Variants in HOXA13 observed in about 807,000 individuals in gnomAD.
The protein encoded by HOXA13 is homeobox A13, also known as homeobox protein Hox-A13.
HOXA13 carries 5 observed loss-of-function variants against 25.7 expected under a neutral mutation model. The observed-to-expected ratio is 0.19, with a 90% CI of 0.10 to 0.41. HOXA13 has a LOEUF of 0.41. Ranked by LOEUF, HOXA13 falls within the 10% of genes least tolerant of loss-of-function variation. The probability of loss-of-function intolerance (pLI) is 1.00; values close to 1 mark genes in which losing one functional copy is unlikely to be tolerated. For synonymous variants in HOXA13, 284 were observed against 241.1 expected (o/e 1.18, Z -1.65); for missense variants, 557 against 533.5 (o/e 1.04, Z -0.43).
chr7:27,194,401 G>A lies in HOXA13; in HGVS notation c.*3797C>T, dbSNP rs557394556. On this transcript the variant is annotated 3_prime_UTR_variant, in exon 2 of 2. Coordinates refer to ENST00000649031, the MANE Select transcript of HOXA13 (RefSeq NM_000522.5). ...GTCCCATTTTTATTTTCTTAATTCAGGAAGAGTTTTCTTTTTAGAAAAAAA... is the reference window on the plus strand; with the variant it reads ...GTCCCATTTTTATTTTCTTAATTCAAGAAGAGTTTTCTTTTTAGAAAAAAA... The A allele has an allele frequency of 6.6e-6, 1 of 152,034 alleles. No individual in the cohort carries two copies. Among genetic ancestry groups the A allele is most frequent in the East Asian group, 1.9e-4 (1 of 5,176 alleles). 9.4% of individuals were successfully genotyped at this position (152,034 alleles called of 1,614,324 possible).
chr7:27,195,609 T>C lies in HOXA13; in HGVS notation c.*2589A>G, dbSNP rs1410170590. On this transcript the variant is annotated 3_prime_UTR_variant, in exon 2 of 2. Coordinates refer to ENST00000649031, the MANE Select transcript of HOXA13 (RefSeq NM_000522.5). ...AAGTTGTTAATATTAAACATATTTATTTATCCTACAAATCAAATGGCAGAT... is the reference window on the plus strand; with the variant it reads ...AAGTTGTTAATATTAAACATATTTACTTATCCTACAAATCAAATGGCAGAT... 6.6e-6 allele frequency: 1 copy of C among 152,224 alleles called. No individual in the cohort carries two copies. Among genetic ancestry groups the C allele is most frequent in the African/African-American group, 2.4e-5 (1 of 41,458 alleles). 9.4% of individuals were successfully genotyped at this position (152,224 alleles called of 1,614,324 possible).
rs1029802747 is a variant in HOXA13, at chr7:27,199,653, G to A, written c.425C>T (p.Ala142Val). 1.6e-6 allele frequency: 2 copies of A among 1,270,866 alleles called. No individual in the cohort carries two copies. Among genetic ancestry groups the A allele is most frequent in the Non-Finnish European group, 9.9e-7 (1 of 1,014,562 alleles). The allele number at this position is 1,270,866 out of a possible 1,614,324, so 78.7% of individuals were successfully genotyped here. Residue 142 changes from alanine (A) to valine (V), a missense_variant, in exon 1 of 2, where the codon GCG (alanine) becomes GTG (valine). Transcript: ENST00000649031. Reference protein sequence around the residue: ...AASSSGGPGPAGPAGAEAAKQ... With the variant: ...AASSSGGPGPVGPAGAEAAKQ... ...GGCGGCCTCTGCGCCCGCCGGGCCCGCCGGGCCGGGACCTCCCGAGGACGA... is the reference window on the plus strand; with the variant it reads ...GGCGGCCTCTGCGCCCGCCGGGCCCACCGGGCCGGGACCTCCCGAGGACGA...
rs777307609 is a variant in HOXA13, at chr7:27,197,195, C to G, written c.*1003G>C. On this transcript the variant is annotated 3_prime_UTR_variant, in exon 2 of 2. Transcript: ENST00000649031. Reference sequence around the variant, plus strand: ...TAGATCAAAATATAGAATATAGACACCTAAATATTTCAGGGGAATGAATTT... The same window carrying G: ...TAGATCAAAATATAGAATATAGACAGCTAAATATTTCAGGGGAATGAATTT... 6.8e-5 allele frequency: 14 copies of G among 205,958 alleles called. No individual in the cohort carries two copies. The highest frequency in any genetic ancestry group is 1.2e-4 in the Admixed American group (2 of 16,810). The allele number at this position is 205,958 out of a possible 1,614,324, so 12.8% of individuals were successfully genotyped here.
In HOXA13 at chr7:27,199,841, C is replaced by A. The variant is rs1221831540; in HGVS notation, c.237G>T (p.Ala79=). ...NFSVAAAAAA[A]AAAAANQCRN... The stretch of plus-strand genomic sequence containing the variant: ...GGCACTGGTTGGCCGCGGCCGCCGC[C>A]GCAGCCGCGGCCGCCGCCGCCACCG... The change falls in exon 1 of 2, where the codon GCG becomes GCT. Residue 79 remains alanine, a synonymous_variant. Transcript: ENST00000649031. 1.4e-5 allele frequency: 14 copies of A among 988,546 alleles called. No homozygotes were observed. Among genetic ancestry groups the A allele is most frequent in the African/African-American group, 3.5e-5 (2 of 56,550 alleles). The allele number at this position is 988,546 out of a possible 1,614,324, so 61.2% of individuals were successfully genotyped here.
Position 27,199,549 on chromosome 7 carries a change from C to A in HOXA13, c.529G>T (p.Gly177Cys), listed in dbSNP as rs773571634. Residue 177 changes from glycine (G) to cysteine (C), a missense_variant, in exon 1 of 2, where the codon GGC (glycine) becomes TGC (cysteine). Transcript: ENST00000649031. The part of the protein sequence containing the change: ...AALPYGYFGS[G>C]YYPCARMGPH... ...CCCATGCGGGCGCACGGGTAGTAGC[C>A]GCTGCCGAAGTAGCCATAGGGCAGC... 1 of 1,571,458 alleles carries A rather than the reference C, an allele frequency of 6.4e-7. No homozygotes were observed. Among genetic ancestry groups the A allele is most frequent in the Non-Finnish European group, 8.6e-7 (1 of 1,160,106 alleles).
In HOXA13 at chr7:27,199,925, G is replaced by GGCAGCCGCCGCCGCT; in HGVS notation, c.138_152dup (p.Ala47_Ala51dup). On this transcript the variant is annotated inframe_insertion, in exon 1 of 2. Coordinates refer to ENST00000649031, the MANE Select transcript of HOXA13 (RefSeq NM_000522.5). Reference sequence around the variant, plus strand: ...GGGGGAAGCCCCCGCCCCCGGCCCCGGCAGCCGCCGCCGCTGCAGCCGCTG... The same window carrying GGCAGCCGCCGCCGCT: ...GGGGGAAGCCCCCGCCCCCGGCCCCGGCAGCCGCCGCCGCTGCAGCCGCCGCCGCTGCAGCCGCTG... 1 of 1,223,900 alleles carries GGCAGCCGCCGCCGCT rather than the reference G, an allele frequency of 8.2e-7. No homozygotes were observed. Among genetic ancestry groups the GGCAGCCGCCGCCGCT allele is most frequent in the Non-Finnish European group, 1.0e-6 (1 of 961,312 alleles). 75.8% of individuals were successfully genotyped at this position (1,223,900 alleles called of 1,614,324 possible).
rs780498235 is a variant in HOXA13, at chr7:27,200,049, CG to C, written c.28del (p.Arg10AlafsTer81). 3.4e-6 allele frequency: 5 copies of C among 1,477,966 alleles called. No homozygotes were observed. Among genetic ancestry groups the C allele is most frequent in the Admixed American group, 1.9e-5 (1 of 52,390 alleles). The allele number at this position is 1,477,966 out of a possible 1,614,324, so 91.6% of individuals were successfully genotyped here. ...AAACATGACGGTGGGCTCGATCCAG[CG>C]GGGGTGGAGGAGCACGGAGGCTGTC... Reference protein sequence around the residue: MTASVLLHPRWIEPTVMFLY... With the variant: MTASVLLHPXWIEPTVMFLY... On this transcript the variant is annotated frameshift_variant, in exon 1 of 2. Coordinates refer to ENST00000649031, the MANE Select transcript of HOXA13 (RefSeq NM_000522.5). LOFTEE classifies it high-confidence loss of function.
rs1783988489 is a variant in HOXA13, at chr7:27,195,036, G to A, written c.*3162C>T. 6.6e-6 allele frequency: 1 copy of A among 152,204 alleles called. No individual in the cohort carries two copies. The highest frequency in any genetic ancestry group is 2.4e-5 in the African/African-American group (1 of 41,434). The allele number at this position is 152,204 out of a possible 1,614,324, so 9.4% of individuals were successfully genotyped here. On this transcript the variant is annotated 3_prime_UTR_variant, in exon 2 of 2. Coordinates refer to ENST00000649031, the MANE Select transcript of HOXA13 (RefSeq NM_000522.5). ...ACTTTGGCTTGATGGCAGCTCATTT[G>A]GAAATGGAGTACTGTTTGGAACAAG...
Position 27,195,555 on chromosome 7 carries a change from A to C in HOXA13, c.*2643T>G, listed in dbSNP as rs1268932926. On this transcript the variant is annotated 3_prime_UTR_variant, in exon 2 of 2. Transcript: ENST00000649031. ...GATTGTTGTTAGAGGTCAACAGTAG[A>C]TATAATATTATTATTATAGTTTTGA... 6.6e-6 allele frequency: 1 copy of C among 152,240 alleles called. No homozygotes were observed. The highest frequency in any genetic ancestry group is 1.5e-5 in the Non-Finnish European group (1 of 68,046). The allele number at this position is 152,240 out of a possible 1,614,324, so 9.4% of individuals were successfully genotyped here.
chr7:27,198,466 G>A (rs754059709), intron 1 of HOXA13, 24 bp from the exon 2 acceptor site: 17 of 1,612,492 alleles, frequency 1.1e-5, no homozygotes, highest in Admixed American at 1.7e-5. Context: ...GAGAAGGCAA[G>A]TTACACAGGG....
rs1288109561 is a variant in HOXA13 at position 27,199,961 on chromosome 7, C to T, written c.117G>A (p.Ala39=). ...DELNKNMEGA[A]AAAAAAAAAA... Reference sequence around the variant, plus strand: ...CCGCTGCAGCCGCTGCTGCAGCCGCCGCCGCCCCTTCCATGTTCTTGTTGA... The same window carrying T: ...CCGCTGCAGCCGCTGCTGCAGCCGCTGCCGCCCCTTCCATGTTCTTGTTGA... Residue 39 remains alanine (A), a synonymous_variant, in exon 1 of 2, where the codon GCG becomes GCA. Coordinates refer to ENST00000649031, the MANE Select transcript of HOXA13 (RefSeq NM_000522.5). The T allele has an allele frequency of 7.1e-6, 10 of 1,415,044 alleles. No individual in the cohort carries two copies. Among genetic ancestry groups the T allele is most frequent in the South Asian group, 2.7e-5 (2 of 73,516 alleles). 87.7% of individuals were successfully genotyped at this position (1,415,044 alleles called of 1,614,324 possible).
In HOXA13 at chr7:27,197,879, C is replaced by T; in HGVS notation, c.*319G>A. On this transcript the variant is annotated 3_prime_UTR_variant, in exon 2 of 2. Coordinates refer to ENST00000649031, the MANE Select transcript of HOXA13 (RefSeq NM_000522.5). ...GCAGTGTCCTAAAATGTAACGATCA[C>T]TTAAATACTTACAAGATTTCAGTAA... 1 of 445,130 alleles carries T rather than the reference C, an allele frequency of 2.2e-6. No homozygotes were observed. Among genetic ancestry groups the T allele is most frequent in the East Asian group, 4.0e-5 (1 of 24,900 alleles). 27.6% of individuals were successfully genotyped at this position (445,130 alleles called of 1,614,324 possible).
In HOXA13 at chr7:27,198,423, C is replaced by G. The variant is rs1389917328; in HGVS notation, c.942G>C (p.Ser314=). Residue 314 remains serine (S), a synonymous_variant, in exon 2 of 2, where the codon TCG becomes TCC. Transcript: ENST00000649031. ...TCCCCCTCCTATAGGAGCTGGCATC[C>G]GAGGGATGGGAGACCACGTCTAGAA... The part of the protein sequence containing the change: ...STLPDVVSHP[S]DASSYRRGRK... 6.2e-6 allele frequency: 10 copies of G among 1,613,880 alleles called. No homozygotes were observed. Among genetic ancestry groups the G allele is most frequent in the Non-Finnish European group, 8.5e-6 (10 of 1,180,028 alleles).
In HOXA13 at chr7:27,194,714, C is replaced by T. The variant is rs928699122; in HGVS notation, c.*3484G>A. The T allele has an allele frequency of 2.0e-5, 3 of 152,144 alleles. No homozygotes were observed. Among genetic ancestry groups the T allele is most frequent in the Non-Finnish European group, 4.4e-5 (3 of 68,020 alleles). 9.4% of individuals were successfully genotyped at this position (152,144 alleles called of 1,614,324 possible). A position where few individuals can be genotyped will look rare whatever the true frequency, so the allele number is the denominator to read the frequency against. On this transcript the variant is annotated 3_prime_UTR_variant, in exon 2 of 2. Transcript: ENST00000649031. ...AACTGGGGGGAAAAAATCCCCACAA[C>T]AACCCTGAAATGTCTTCTGTCATTA...
At chr7:27,198,830 A>G (rs1583448039) in intron 1 of HOXA13, 1 of 435,886 alleles carries the variant, frequency 2.3e-6, no homozygotes, top group African/African-American at 2.2e-5. Flanking sequence ...GAGAATGAAT[A>G]GGGAGGGGCA....
Position 27,196,824 on chromosome 7 carries a change from C to T in HOXA13, c.*1374G>A. ...TAAGATAAACCTGCTCCTTTTCTTT[C>T]TGTGCAGTGCACATTTAGCATAGGA... On this transcript the variant is annotated 3_prime_UTR_variant, in exon 2 of 2. Transcript: ENST00000649031. 5.8e-6 allele frequency: 1 copy of T among 173,148 alleles called. No individual in the cohort carries two copies. Among genetic ancestry groups the T allele is most frequent in the East Asian group, 1.0e-4 (1 of 9,736 alleles). The allele number at this position is 173,148 out of a possible 1,614,324, so 10.7% of individuals were successfully genotyped here.
rs183941484 is a variant in HOXA13 at position 27,199,181 on chromosome 7, G to A, written c.897C>T (p.Pro299=). 143 of 1,612,438 alleles carry A rather than the reference G, an allele frequency of 8.9e-5. No homozygotes were observed. Among genetic ancestry groups the A allele is most frequent in the Admixed American group, 1.7e-4 (10 of 59,900 alleles). ...MYCPKEQAQP[P]HLWKSTLPDV... ...CGGGCAGAGTGGACTTCCAGAGGTG[G>A]GGAGGCTGCGCCTGCTCTTTGGGGC... Residue 299 remains proline (P), a synonymous_variant, in exon 1 of 2, where the codon CCC becomes CCT. Coordinates refer to ENST00000649031, the MANE Select transcript of HOXA13 (RefSeq NM_000522.5).
Position 27,197,911 on chromosome 7 carries a change from A to G in HOXA13, c.*287T>C. 1 of 488,684 alleles carries G rather than the reference A, an allele frequency of 2.0e-6. No individual in the cohort carries two copies. Among genetic ancestry groups the G allele is most frequent in the Non-Finnish European group, 3.7e-6 (1 of 270,798 alleles). 30.3% of individuals were successfully genotyped at this position (488,684 alleles called of 1,614,324 possible). A position where few individuals can be genotyped will look rare whatever the true frequency, so the allele number is the denominator to read the frequency against. On this transcript the variant is annotated 3_prime_UTR_variant, in exon 2 of 2. Coordinates refer to ENST00000649031, the MANE Select transcript of HOXA13 (RefSeq NM_000522.5). ...ACTTACAAGATTTCAGTAACTGCGT[A>G]ACTTATCTGAAATTGCGTATTTTGG...
rs1784068345 is a variant in HOXA13 at position 27,199,741 on chromosome 7, G to C, written c.337C>G (p.Pro113Ala). The change falls in exon 1 of 2, where the codon CCC becomes GCC. Residue 113 changes from proline to alanine, a missense_variant. Physicochemically the swap from Pro to Ala is conservative, Grantham distance 27. Coordinates refer to ENST00000649031, the MANE Select transcript of HOXA13 (RefSeq NM_000522.5). ...GCAGCAGCGGCGGCAGCCGACGGGG[G>C]CGCCTCCCCGGGGGCGCTGCTGTAG... ...SAYSSAPGEA[P>A]PSAAAAAAAA... 1.0e-6 allele frequency: 1 copy of C among 994,626 alleles called. No individual in the cohort carries two copies. The highest frequency in any genetic ancestry group is 1.2e-6 in the Non-Finnish European group (1 of 837,742). The allele number at this position is 994,626 out of a possible 1,614,324, so 61.6% of individuals were successfully genotyped here.
Sources: gnomAD v4.1 joint callset for allele counts on GRCh38, gnomAD v4.1.1 for gene constraint, MANE v1.5 for transcripts, NCBI Gene and HGNC (gene_info 2026-07-23, HGNC 2026-07-21) for gene names.